PCDH15: variants seen among roughly 807,000 people sequenced by gnomAD.
The protein encoded by PCDH15 is protocadherin related 15.
A neutral mutation model predicts 178.5 loss-of-function variants in PCDH15; 129 were observed. The observed-to-expected ratio is 0.72, with a 90% CI of 0.63 to 0.84. The LOEUF is 0.84. Ranked by LOEUF, PCDH15 falls within the 40% of genes least tolerant of loss-of-function variation. The pLI is 0.00. For missense variants in PCDH15, 2,230 were observed against 2,099.9 expected (o/e 1.06, Z -1.21); for synonymous variants, 800 against 732.0 (o/e 1.09, Z -1.50).
At chr10:55,156,997 A>G (rs1054101697) in intron 2 of PCDH15, among the ~76,000 whole-genome samples, 3 of 152,166 alleles carry the variant, frequency 2.0e-5, no homozygotes, top group Non-Finnish European at 2.9e-5. Flanking sequence ...GAAGGCTGAA[A>G]GGAATTCTAG....
intron 15 of PCDH15, among the ~76,000 whole-genome samples, chr10:54,112,015 C>T (rs569999057): frequency 7.4e-5 from 11 of 148,778 alleles, no homozygotes; most frequent in Non-Finnish European, 1.0e-4. Flanking sequence ...TGGTGGTGGG[C>T]GCCTGTAATC....
chr10:53,882,358 G>C (rs865847375), intron 26 of PCDH15, among the ~76,000 whole-genome samples: 1 of 152,044 alleles, frequency 6.6e-6, no homozygotes, highest in South Asian at 2.1e-4. Context: ...TTCCACACTC[G>C]TGATGGCCCC....
chr10:54,224,143 T>C (rs2053185829), intron 9 of PCDH15, among the ~76,000 whole-genome samples: 1 of 152,158 alleles, frequency 6.6e-6, no homozygotes, highest in Non-Finnish European at 1.5e-5. Context: ...CTGGGTGCCA[T>C]GAAGATGTGT....
chr10:54,630,782 C>T (rs892769488), intron 2 of PCDH15, among the ~76,000 whole-genome samples: 4 of 151,998 alleles, frequency 2.6e-5, no homozygotes, highest in African/African-American at 9.7e-5. Flanking sequence ...TATCCGGAGC[C>T]TCTAAGGAAC....
chr10:55,536,392 A>G (rs1841578634), intron 2 of PCDH15, among the ~76,000 whole-genome samples: 1 of 152,102 alleles, frequency 6.6e-6, no homozygotes, highest in Admixed American at 6.6e-5. Context: ...GCACTGCTGT[A>G]CCTCAAAGAA....
intron 2 of PCDH15, among the ~76,000 whole-genome samples, chr10:55,502,742 T>C (rs1363531182): frequency 1.3e-5 from 2 of 151,638 alleles, no homozygotes; most frequent in Non-Finnish European, 3.0e-5. Flanking sequence ...TCAATTTTCT[T>C]ATCCTTAATG....
intron 2 of PCDH15, among the ~76,000 whole-genome samples, chr10:54,631,949 C>T (rs1041213902): frequency 2.0e-5 from 3 of 152,104 alleles, no homozygotes; most frequent in African/African-American, 7.2e-5. Context: ...TCTCCCTTGA[C>T]ACGTGGGGAT....
chr10:54,096,194 T>C (rs1427668417), intron 15 of PCDH15, among the ~76,000 whole-genome samples: 1 of 151,934 alleles, frequency 6.6e-6, no homozygotes, highest in African/African-American at 2.4e-5. Context: ...CCTAAACTTA[T>C]CTCGAGTTTC....
intron 2 of PCDH15, among the ~76,000 whole-genome samples, chr10:55,016,286 T>A (rs908669721): frequency 7.9e-5 from 12 of 152,236 alleles, no homozygotes; most frequent in African/African-American, 2.9e-4. Flanking sequence ...AGTTACTTTA[T>A]AATGTACAAT....
chr10:54,606,875 G>A (rs992506230), intron 2 of PCDH15: 1 of 152,126 alleles, frequency 6.6e-6, no homozygotes, highest in Non-Finnish European at 1.5e-5. Flanking sequence ...ATTCCTAACA[G>A]AAGGATGAGA....
At chr10:54,936,728 A>G (rs1175940496) in intron 2 of PCDH15, among the ~76,000 whole-genome samples, 1 of 141,994 alleles carries the variant, frequency 7.0e-6, no homozygotes, top group South Asian at 2.2e-4. Flanking sequence ...TTTTTTTTTT[A>G]GTTTTTAGTT....
Position 53,803,272 on chromosome 10 carries a change from T to C in PCDH15, c.*3307A>G, listed in dbSNP as rs888683934. ...TATTTTGCTAATTAAATTCAAGTGGTATATAAATCCCACTTAAGGTATAAA... is the reference window on the plus strand; with the variant it reads ...TATTTTGCTAATTAAATTCAAGTGGCATATAAATCCCACTTAAGGTATAAA... On this transcript the variant is annotated 3_prime_UTR_variant, in exon 38 of 38. Coordinates refer to ENST00000644397, the MANE Select transcript of PCDH15 (RefSeq NM_001384140.1). 5 of 151,900 alleles carry C rather than the reference T, an allele frequency of 3.3e-5. No homozygotes were observed. Among genetic ancestry groups the C allele is most frequent in the African/African-American group, 1.2e-4 (5 of 41,418 alleles). 9.4% of individuals were successfully genotyped at this position (151,900 alleles called of 1,614,324 possible).
intron 2 of PCDH15, among the ~76,000 whole-genome samples, chr10:54,557,741 T>G (rs942185639): frequency 2.0e-5 from 3 of 152,142 alleles, no homozygotes; most frequent in African/African-American, 7.2e-5. Context: ...ATTCCTATAG[T>G]TCTTTCTGTT....
At position 55,317,861 on chromosome 10, in the gene PCDH15, C is replaced by T. The variant is rs74700959; in HGVS notation, c.-156+1738G>A. On this transcript the variant is annotated intron_variant, in intron 1 of 5. Transcript: ENST00000458638. ...GCCTGCACGCATGGAACTGGAAAGG[C>T]ACCTTCTAGATCACGGAAAGCAAGG... 5.2e-3 allele frequency among the ~76,000 whole-genome samples: 787 copies of T among 152,232 alleles called. 10 individuals are homozygous for T. Among genetic ancestry groups the T allele is most frequent in the African/African-American group, 0.018 (741 of 41,530 alleles).
chr10:54,911,798 C>T (rs1448403472), intron 2 of PCDH15, among the ~76,000 whole-genome samples: 1 of 152,130 alleles, frequency 6.6e-6, no homozygotes, highest in Non-Finnish European at 1.5e-5. Context: ...TCTCTTGCCA[C>T]CTTGTTACGA....
Position 53,961,900 on chromosome 10 carries a change from A to T in PCDH15, c.2869-8T>A. 1.2e-6 allele frequency: 2 copies of T among 1,601,104 alleles called. No homozygotes were observed. The highest frequency in any genetic ancestry group is 1.1e-5 in the South Asian group (1 of 90,378). ...ACGACTTGCAGGTAATCCCTAAAAT[A>T]AAATTATTAATTATTAATTTGCTGT... On this transcript the variant is annotated splice_region_variant and splice_polypyrimidine_tract_variant and intron_variant, in intron 21 of 37. Transcript: ENST00000644397.
intron 3 of PCDH15, among the ~76,000 whole-genome samples, chr10:54,410,579 A>C (rs1376105094): frequency 6.6e-6 from 1 of 152,138 alleles, no homozygotes; most frequent in Non-Finnish European, 1.5e-5. Flanking sequence ...AATTGCAAAG[A>C]AACACTCTTC....
At chr10:54,468,961 C>T (rs2077710578) in intron 3 of PCDH15, among the ~76,000 whole-genome samples, 1 of 152,078 alleles carries the variant, frequency 6.6e-6, no homozygotes, top group African/African-American at 2.4e-5. Context: ...TGTAGCTACT[C>T]CTGCTCATTT....
At position 53,984,402 on chromosome 10, in the gene PCDH15, G is replaced by A. The variant is rs151091442; in HGVS notation, c.2868+11247C>T. On this transcript the variant is annotated intron_variant, in intron 21 of 37. Transcript: ENST00000644397. ...CCTGACCTTGTGATCTGCCCACCTC[G>A]GCCTCCCAAATTGCTGGGATTACAG... 4.2e-3 allele frequency among the ~76,000 whole-genome samples: 632 copies of A among 151,830 alleles called. 3 individuals are homozygous for A. Among genetic ancestry groups the A allele is most frequent in the African/African-American group, 0.014 (591 of 41,422 alleles).
Sources: gnomAD v4.1 joint callset for allele counts (sites outside exome capture counted in the v4.1 genomes callset) on GRCh38, gnomAD v4.1.1 for gene constraint, MANE v1.5 for transcripts, NCBI Gene and HGNC (gene_info 2026-07-23, HGNC 2026-07-21) for gene names.